The following CENPQ variants were observed in gnomAD, a reference collection of about 807,000 sequenced individuals.
CENPQ encodes centromere protein Q.
Under a neutral mutation model 36.6 loss-of-function variants are expected in CENPQ, and 27 were observed. The observed-to-expected ratio is 0.74, with a 90% CI of 0.54 to 1.02. The LOEUF (loss-of-function observed/expected upper bound fraction) is 1.02. CENPQ is among the 50% of genes least tolerant of loss of function. The pLI, the probability that CENPQ is intolerant of heterozygous loss-of-function variation, is 0.00. For missense variants in CENPQ, 306 were observed against 301.8 expected (o/e 1.01, Z -0.10); for synonymous variants, 101 against 101.7 (o/e 0.99, Z 0.04).
chr6:49,490,939 A>G (rs1301168474), intron 8 of CENPQ, among the ~76,000 whole-genome samples: 1 of 152,228 alleles, frequency 6.6e-6, no homozygotes. Context: ...ATAGATCACC[A>G]TAACAGATAC....
intron 6 of CENPQ, among the ~76,000 whole-genome samples, chr6:49,481,602 A>G (rs1049389789): frequency 6.6e-6 from 1 of 152,212 alleles, no homozygotes; most frequent in Non-Finnish European, 1.5e-5. Context: ...TGGCTCAGGC[A>G]GCCTGCTTTT....
chr6:49,488,497 G>T, intron 7 of CENPQ, 26 bp downstream of exon 7: 2 of 1,603,816 alleles, frequency 1.2e-6, no homozygotes, highest in South Asian at 2.2e-5. Flanking sequence ...TGTATTATTG[G>T]AATTTGGATA....
chr6:49,481,035 A>C lies in CENPQ; in HGVS notation c.432A>C (p.Glu144Asp). 1 of 1,611,426 alleles carries C rather than the reference A, an allele frequency of 6.2e-7. No individual in the cohort carries two copies. The highest frequency in any genetic ancestry group is 8.5e-7 in the Non-Finnish European group (1 of 1,179,004). The change falls in exon 6 of 9, where the codon GAA (glutamate) becomes GAC (aspartate). Residue 144 changes from glutamate (E) to aspartate (D), a missense_variant. By Grantham distance (45) the Glu-to-Asp change is conservative. Coordinates refer to ENST00000335783, the MANE Select transcript of CENPQ (RefSeq NM_018132.4). ...LTNVSSLLNM[E>D]RARDKANEEG... ...ATGTATCAAGTCTACTGAATATGGA[A>C]AGGGCACGAGACAAAGCTAATGAAG...
chr6:49,472,160 A>G lies in CENPQ; in HGVS notation c.255A>G (p.Gln85=), dbSNP rs1361846571. 1 of 1,611,986 alleles carries G rather than the reference A, an allele frequency of 6.2e-7. No homozygotes were observed. Among genetic ancestry groups the G allele is most frequent in the Admixed American group, 1.7e-5 (1 of 59,730 alleles). The part of the protein sequence containing the change: ...PLSKSTRDHL[Q]TMMESVIMTI... ...CAAAGAGTACCAGAGACCATTTGCA[A>G]ACTATGATGGAATCAGTAATAATGT... is the stretch of plus-strand genomic sequence containing the variant. The change falls in exon 4 of 9, where the codon CAA becomes CAG. Residue 85 remains glutamine, a synonymous_variant. Transcript: ENST00000335783.
chr6:49,482,899 C>T (rs899877573), intron 6 of CENPQ, among the ~76,000 whole-genome samples: 5 of 152,020 alleles, frequency 3.3e-5, no homozygotes, highest in Admixed American at 6.6e-5. Flanking sequence ...CAGACCTTCG[C>T]GGTGAGTGTT....
intron 6 of CENPQ, among the ~76,000 whole-genome samples, chr6:49,482,356 G>A (rs1245682912): frequency 6.6e-6 from 1 of 152,214 alleles, no homozygotes; most frequent in Admixed American, 6.5e-5. Flanking sequence ...AGCGAGGGCT[G>A]CAAGGGCTGC....
At chr6:49,468,956 G>T (rs1307325551) in intron 1 of CENPQ, among the ~76,000 whole-genome samples, 6 of 151,706 alleles carry the variant, frequency 4.0e-5, no homozygotes, top group Non-Finnish European at 7.4e-5. Context: ...TAGATGTAAA[G>T]TTGAGGTAAT....
chr6:49,488,653 C>G lies in CENPQ; in HGVS notation c.644C>G (p.Ser215Cys). Residue 215 changes from serine to cysteine, a missense_variant, in exon 8 of 9, where the codon TCT (serine) becomes TGT (cysteine). Transcript: ENST00000335783. ...SSGVLSLPEL[S>C]QKTLKAPTLQ... ...GGAGTACTCTCTCTTCCGGAACTTT[C>G]TCAGAAAACTCTCAAAGCACCCACA... The G allele has an allele frequency of 1.9e-6, 3 of 1,613,546 alleles. No individual in the cohort carries two copies. The South Asian group carries it at 3.3e-5, about 18-fold the overall frequency.
At chr6:49,487,389 C>T (rs750350276) in intron 6 of CENPQ, among the ~76,000 whole-genome samples, 9 of 139,244 alleles carry the variant, frequency 6.5e-5, no homozygotes, top group Admixed American at 4.0e-4. Flanking sequence ...ACAAACAATT[C>T]ACAGTTCTTG....
At chr6:49,482,393 C>G (rs1051544338) in intron 6 of CENPQ, among the ~76,000 whole-genome samples, 21 of 152,310 alleles carry the variant, frequency 1.4e-4, no homozygotes, top group South Asian at 6.2e-4. Context: ...CTCAATCCCC[C>G]CTCTAAACAG....
chr6:49,482,741 G>T (rs999016571), intron 6 of CENPQ, among the ~76,000 whole-genome samples: 4 of 152,142 alleles, frequency 2.6e-5, no homozygotes, highest in African/African-American at 9.7e-5. Flanking sequence ...GCCAAAATGT[G>T]TCTGGAGTTG....
chr6:49,488,459 G>A lies in CENPQ; in HGVS notation c.585G>A (p.Glu195=), dbSNP rs768753866. Residue 195 remains glutamate, a synonymous_variant, in exon 7 of 9, where the codon GAG becomes GAA. Transcript: ENST00000335783. ...CAAGTGAGGTGGAAGAAGAAGAGGA[G>A]AGAGTAAAACAGGTAATTATTTTAA... ...ILASEVEEEE[E]RVKQMHQINS... 6.2e-7 allele frequency: 1 copy of A among 1,612,642 alleles called. No individual in the cohort carries two copies. The highest frequency in any genetic ancestry group is 2.2e-5 in the East Asian group (1 of 44,776).
intron 1 of CENPQ, among the ~76,000 whole-genome samples, chr6:49,467,043 G>A (rs188820905): frequency 5.3e-5 from 8 of 152,238 alleles, no homozygotes; most frequent in East Asian, 1.9e-4. Context: ...GACGGTCTAC[G>A]TAGACCCAAG....
At chr6:49,491,322 G>A (rs1350145837) in intron 8 of CENPQ, among the ~76,000 whole-genome samples, 1 of 152,114 alleles carries the variant, frequency 6.6e-6, no homozygotes. Flanking sequence ...TTGTATGGAG[G>A]TCATATAATT....
intron 6 of CENPQ, among the ~76,000 whole-genome samples, chr6:49,483,940 AGCAAGGGCT>A (rs769981770): frequency 9.8e-5 from 15 of 152,360 alleles, no homozygotes; most frequent in African/African-American, 3.1e-4. Flanking sequence ...GCCAGGAGTG[AGCAAGGGCT>A]GCAAGGGCTG....
chr6:49,486,028 C>T (rs1369035836), intron 6 of CENPQ, among the ~76,000 whole-genome samples: 1 of 152,110 alleles, frequency 6.6e-6, no homozygotes, highest in Non-Finnish European at 1.5e-5. Context: ...CATCCTGTAT[C>T]GTCACGGGTA....
intron 6 of CENPQ, among the ~76,000 whole-genome samples, chr6:49,482,069 C>T (rs1217371494): frequency 6.6e-6 from 1 of 152,184 alleles, no homozygotes; most frequent in African/African-American, 2.4e-5. Context: ...GGCTTGGGTG[C>T]TAAGCCCTTC....
chr6:49,477,677 T>G (rs891031353), intron 5 of CENPQ, among the ~76,000 whole-genome samples: 1 of 152,176 alleles, frequency 6.6e-6, no homozygotes, highest in Non-Finnish European at 1.5e-5. Flanking sequence ...AGTTTTTCTT[T>G]AAATATAATT....
At chr6:49,467,044 T>C (rs924076312) in intron 1 of CENPQ, among the ~76,000 whole-genome samples, 3 of 152,200 alleles carry the variant, frequency 2.0e-5, no homozygotes, top group Admixed American at 1.3e-4. Flanking sequence ...ACGGTCTACG[T>C]AGACCCAAGC....
Sources: allele counts gnomAD v4.1 joint callset (sites outside exome capture counted in the v4.1 genomes callset), GRCh38; gene constraint gnomAD v4.1.1; transcripts MANE v1.5; gene names NCBI Gene and HGNC (gene_info 2026-07-23, HGNC 2026-07-21).